PLPP1: variants seen among roughly 807,000 people sequenced by gnomAD.
PLPP1 encodes phospholipid phosphatase 1.
In PLPP1, 24 loss-of-function variants were observed where a neutral mutation model predicts 31.2. The observed-to-expected ratio is 0.77, with a 90% CI of 0.56 to 1.08. The LOEUF is 1.08. PLPP1 is among the 50% of genes least tolerant of loss of function. The pLI is 0.00. For synonymous variants in PLPP1, 146 were observed against 126.3 expected, an observed-to-expected ratio of 1.16 and a Z score of -1.05; for missense variants, 319 against 342.7, an observed-to-expected ratio of 0.93 and a Z score of 0.55.
intron 4 of PLPP1, 114 bp downstream of exon 4, chr5:55,441,735 ATC>A: frequency 1.8e-6 from 2 of 1,082,254 alleles, no homozygotes; most frequent in Non-Finnish European, 1.4e-6. Flanking sequence ...TTTGCAGATC[ATC>A]TGTTTCACCT....
rs543191199 is a variant in PLPP1 at position 55,532,977 on chromosome 5, T to C, written c.58+1595A>G. Among the ~76,000 whole-genome samples the C allele has an allele frequency of 1.8e-4, 25 of 141,758 alleles. 1 individual carries two copies. The South Asian group carries it at 4.9e-3, about 28-fold the overall frequency. The allele number at this position is 141,758 out of a possible 152,430, so 93.0% of individuals were successfully genotyped here. ...TCCAAAAAAAAAAAAAAAAAGACAA[T>C]GTGCCAAAATTGTGTTCCACTTTCC... On this transcript the variant is annotated intron_variant, in intron 1 of 5. Transcript: ENST00000307259.
intron 1 of PLPP1, among the ~76,000 whole-genome samples, chr5:55,501,033 G>C (rs999537661): frequency 6.6e-6 from 1 of 152,188 alleles, no homozygotes; most frequent in Non-Finnish European, 1.5e-5. Context: ...ACACAAAGCA[G>C]GCCAGGCATG....
At chr5:55,444,014 G>A (rs1000661468) in intron 3 of PLPP1, among the ~76,000 whole-genome samples, 1 of 151,758 alleles carries the variant, frequency 6.6e-6, no homozygotes, top group Non-Finnish European at 1.5e-5. Context: ...ATCTTATTAT[G>A]ACCAGAATTC....
chr5:55,437,698 G>A (rs1469980608), intron 4 of PLPP1, among the ~76,000 whole-genome samples: 1 of 152,148 alleles, frequency 6.6e-6, no homozygotes, highest in Non-Finnish European at 1.5e-5. Flanking sequence ...ACACTGGAAA[G>A]CAGGCCTCAG....
At chr5:55,498,033 G>C (rs1240702345) in intron 1 of PLPP1, among the ~76,000 whole-genome samples, 1 of 152,138 alleles carries the variant, frequency 6.6e-6, no homozygotes, top group East Asian at 1.9e-4. Flanking sequence ...AGCAGAACCA[G>C]GAGGGAACAG....
chr5:55,508,226 T>C (rs984528952), intron 1 of PLPP1, among the ~76,000 whole-genome samples: 3 of 152,168 alleles, frequency 2.0e-5, no homozygotes, highest in Admixed American at 6.5e-5. Flanking sequence ...GGCCTGCTAC[T>C]CTCCACAGCT....
chr5:55,528,588 G>A (rs535686103), intron 1 of PLPP1, among the ~76,000 whole-genome samples: 1 of 152,300 alleles, frequency 6.6e-6, no homozygotes, highest in Non-Finnish European at 1.5e-5. Flanking sequence ...GCTAAAATCT[G>A]AAATGACCCT....
intron 3 of PLPP1, among the ~76,000 whole-genome samples, chr5:55,456,559 C>T (rs1752015001): frequency 6.6e-6 from 1 of 152,134 alleles, no homozygotes; most frequent in African/African-American, 2.4e-5. Context: ...TCCTAAAAAA[C>T]TATAGACAAT....
At chr5:55,433,801 C>T (rs967595517) in intron 4 of PLPP1, among the ~76,000 whole-genome samples, 9 of 151,528 alleles carry the variant, frequency 5.9e-5, no homozygotes, top group African/African-American at 1.9e-4. Flanking sequence ...CCCCAAATCT[C>T]TAGCATTTCT....
intron 2 of PLPP1, among the ~76,000 whole-genome samples, chr5:55,472,712 AAGAG>A (rs369234141): frequency 5.9e-4 from 89 of 151,414 alleles, no homozygotes; most frequent in Middle Eastern, 6.8e-3. Context: ...GAAAAAGAGA[AAGAG>A]AGAGAGAAGA....
At chr5:55,505,395 A>G (rs926345730) in intron 1 of PLPP1, among the ~76,000 whole-genome samples, 1 of 151,562 alleles carries the variant, frequency 6.6e-6, no homozygotes, top group Non-Finnish European at 1.5e-5. Context: ...GGAGTTCAAG[A>G]CCAGCCTGAA....
At chr5:55,494,553 T>A (rs547676996) in intron 1 of PLPP1, among the ~76,000 whole-genome samples, 1 of 152,284 alleles carries the variant, frequency 6.6e-6, no homozygotes, top group Non-Finnish European at 1.5e-5. Flanking sequence ...AAGGCTCCAA[T>A]CACACTGAAC....
intron 1 of PLPP1, among the ~76,000 whole-genome samples, chr5:55,495,783 G>A (rs1161277801): frequency 6.6e-6 from 1 of 151,934 alleles, no homozygotes; most frequent in East Asian, 1.9e-4. Context: ...AGAGTAAACA[G>A]GTATCACTAT....
chr5:55,481,538 T>C (rs562318963), intron 1 of PLPP1, among the ~76,000 whole-genome samples: 1 of 152,260 alleles, frequency 6.6e-6, no homozygotes, highest in South Asian at 2.1e-4. Flanking sequence ...GACACACAGA[T>C]GGCAGGTGCC....
intron 3 of PLPP1, among the ~76,000 whole-genome samples, chr5:55,456,229 C>T (rs897585986): frequency 6.6e-6 from 1 of 152,152 alleles, no homozygotes; most frequent in Non-Finnish European, 1.5e-5. Flanking sequence ...CTAATGGTCA[C>T]TACAACTGAA....
chr5:55,490,520 T>C (rs1579960306), intron 1 of PLPP1, among the ~76,000 whole-genome samples: 1 of 152,176 alleles, frequency 6.6e-6, no homozygotes. Context: ...TCTGCTGAGT[T>C]TGTTTTCTCA....
chr5:55,436,643 G>A (rs998124301), intron 4 of PLPP1, among the ~76,000 whole-genome samples: 1 of 152,298 alleles, frequency 6.6e-6, no homozygotes, highest in South Asian at 2.1e-4. Context: ...TTTATAAAGT[G>A]CACAAAGAAG....
At chr5:55,513,366 T>C (rs1406814257) in intron 1 of PLPP1, among the ~76,000 whole-genome samples, 1 of 149,662 alleles carries the variant, frequency 6.7e-6, no homozygotes, top group African/African-American at 2.5e-5. Flanking sequence ...GTTCAAGCGA[T>C]TCTCCTGCCT....
chr5:55,429,065 C>T (rs230741), intron 4 of PLPP1, among the ~76,000 whole-genome samples: 130,772 of 152,090 alleles, frequency 0.86, 56,613 homozygotes, highest in South Asian at 0.92. Flanking sequence ...CACCCAGAGA[C>T]CTGCTGGGCT....
Sources: allele counts gnomAD v4.1 joint callset (sites outside exome capture counted in the v4.1 genomes callset), GRCh38; gene constraint gnomAD v4.1.1; transcripts MANE v1.5; gene names NCBI Gene and HGNC (gene_info 2026-07-23, HGNC 2026-07-21).